PAK5: variants seen among roughly 807,000 people sequenced by gnomAD.
The protein encoded by PAK5 is p21 (RAC1) activated kinase 5.
Under a neutral mutation model 65.9 loss-of-function variants are expected in PAK5, and 16 were observed. The observed-to-expected ratio is 0.24, with a 90% confidence interval of 0.16 to 0.37. PAK5 has a LOEUF of 0.37. PAK5 is among the 10% of genes least tolerant of loss of function. The probability of loss-of-function intolerance (pLI) is 1.00; values close to 1 mark genes in which losing one functional copy is unlikely to be tolerated. For synonymous variants in PAK5, 371 were observed against 354.9 expected, an observed-to-expected ratio of 1.05 and a Z score of -0.51; for missense variants, 785 against 903.9, an observed-to-expected ratio of 0.87 and a Z score of 1.69.
At chr20:9,724,119 C>T (rs1022595519) in intron 1 of PAK5, among the ~76,000 whole-genome samples, 3 of 152,112 alleles carry the variant, frequency 2.0e-5, no homozygotes, top group Admixed American at 2.0e-4. Context: ...ATGACTAAAC[C>T]ACAAAATCGA....
intron 2 of PAK5, among the ~76,000 whole-genome samples, chr20:9,688,271 C>T (rs2047747061): frequency 6.6e-6 from 1 of 152,052 alleles, no homozygotes; most frequent in Non-Finnish European, 1.5e-5. Context: ...AAATGTCTTG[C>T]TTCAAACAAA....
intron 3 of PAK5, among the ~76,000 whole-genome samples, chr20:9,609,136 G>A (rs2046510770): frequency 1.8e-5 from 1 of 55,552 alleles, no homozygotes; most frequent in Non-Finnish European, 4.6e-5. Context: ...GCAACCACAT[G>A]ATGCTGGGTG....
intron 2 of PAK5, among the ~76,000 whole-genome samples, chr20:9,701,077 C>T (rs554489502): frequency 6.6e-6 from 1 of 152,220 alleles, no homozygotes; most frequent in African/African-American, 2.4e-5. Flanking sequence ...AGTTCTCACC[C>T]CCTGCCTACT....
chr20:9,620,459 C>G (rs779911134), intron 3 of PAK5, among the ~76,000 whole-genome samples: 5 of 152,218 alleles, frequency 3.3e-5, no homozygotes, highest in Admixed American at 1.3e-4. Flanking sequence ...CTTCTTTTGA[C>G]CACATGGCGT....
chr20:9,677,759 G>A (rs1487104388), intron 2 of PAK5, among the ~76,000 whole-genome samples: 1 of 152,152 alleles, frequency 6.6e-6, no homozygotes, highest in Non-Finnish European at 1.5e-5. Context: ...CGTAGTAGCA[G>A]TACCTGTGAC....
chr20:9,755,660 CAG>C (rs2048625740), intron 1 of PAK5, among the ~76,000 whole-genome samples: 1 of 152,166 alleles, frequency 6.6e-6, no homozygotes, highest in South Asian at 2.1e-4. Flanking sequence ...CCTAACTAGA[CAG>C]AGTTCAACTC....
At chr20:9,798,966 G>C (rs536039151) in intron 1 of PAK5, among the ~76,000 whole-genome samples, 1 of 152,060 alleles carries the variant, frequency 6.6e-6, no homozygotes, top group Non-Finnish European at 1.5e-5. Context: ...GATCTTAAAC[G>C]TTTGAGAATC....
intron 1 of PAK5, among the ~76,000 whole-genome samples, chr20:9,780,915 T>A (rs1428216371): frequency 6.6e-6 from 1 of 152,174 alleles, no homozygotes; most frequent in Non-Finnish European, 1.5e-5. Flanking sequence ...CTAGTACCTT[T>A]ACTTATCTAG....
intron 3 of PAK5, among the ~76,000 whole-genome samples, chr20:9,614,520 C>T (rs973764065): frequency 2.0e-5 from 3 of 152,088 alleles, no homozygotes; most frequent in African/African-American, 7.2e-5. Context: ...TTAAGCCTAG[C>T]CACATTGTTT....
At chr20:9,823,241 A>C (rs2123775902) in intron 1 of PAK5, among the ~76,000 whole-genome samples, 1 of 152,318 alleles carries the variant, frequency 6.6e-6, no homozygotes, top group Non-Finnish European at 1.5e-5. Flanking sequence ...CAGACACTGA[A>C]TCTGCTGGTG....
At chr20:9,791,951 A>G (rs1869322837) in intron 1 of PAK5, among the ~76,000 whole-genome samples, 1 of 152,180 alleles carries the variant, frequency 6.6e-6, no homozygotes. Context: ...CATTTATGGA[A>G]TTTCTTCTGC....
chr20:9,557,300 G>T (rs1436819698), intron 7 of PAK5, among the ~76,000 whole-genome samples: 2 of 152,144 alleles, frequency 1.3e-5, no homozygotes, highest in East Asian at 3.9e-4. Flanking sequence ...CCCTAGAAGA[G>T]TCAGCTCTTC....
chr20:9,805,269 G>A (rs1033847264), intron 1 of PAK5, among the ~76,000 whole-genome samples: 1 of 152,170 alleles, frequency 6.6e-6, no homozygotes, highest in Non-Finnish European at 1.5e-5. Flanking sequence ...TCAGGTGAAT[G>A]TAAAATGAGA....
intron 1 of PAK5, among the ~76,000 whole-genome samples, chr20:9,722,584 C>T (rs1447661306): frequency 6.6e-6 from 1 of 151,820 alleles, no homozygotes; most frequent in Non-Finnish European, 1.5e-5. Flanking sequence ...TGCACTCCAG[C>T]CTGGGGGGAC....
chr20:9,620,648 A>T (rs536449562), intron 3 of PAK5, among the ~76,000 whole-genome samples: 1 of 152,244 alleles, frequency 6.6e-6, no homozygotes, highest in East Asian at 1.9e-4. Flanking sequence ...GGGACCCAAG[A>T]CCGTGAACTA....
intron 1 of PAK5, among the ~76,000 whole-genome samples, chr20:9,747,942 G>A (rs1301327386): frequency 4.6e-5 from 7 of 152,094 alleles, no homozygotes; most frequent in South Asian, 4.1e-4. Flanking sequence ...AAACCCCATC[G>A]TCTCAGCCCA....
intron 1 of PAK5, among the ~76,000 whole-genome samples, chr20:9,830,886 G>A (rs1022105420): frequency 1.3e-5 from 2 of 152,186 alleles, no homozygotes; most frequent in African/African-American, 4.8e-5. Flanking sequence ...ATTCAACCCT[G>A]TTTACCCCTA....
rs1359943605 is a variant in PAK5 at position 9,797,241 on chromosome 20, GT to G, written c.-162+41520del. Among the ~76,000 whole-genome samples, 3 of 151,838 alleles carry G rather than the reference GT, an allele frequency of 2.0e-5. No homozygotes were observed. In the South Asian group the frequency reaches 6.3e-4, roughly 32 times the overall value. ...CACCCACTTTTTGATGGGGTTGTTTGTTTTTTTCTTGTAAATTTGTTTGTGT... is the reference window on the plus strand; with the variant it reads ...CACCCACTTTTTGATGGGGTTGTTTGTTTTTTCTTGTAAATTTGTTTGTGT... On this transcript the variant is annotated intron_variant, in intron 1 of 9. Coordinates refer to ENST00000353224, the MANE Select transcript of PAK5 (RefSeq NM_177990.4).
intron 3 of PAK5, among the ~76,000 whole-genome samples, chr20:9,615,707 C>T (rs2046643418): frequency 6.6e-6 from 1 of 152,176 alleles, no homozygotes; most frequent in African/African-American, 2.4e-5. Flanking sequence ...TCGTGTGGGT[C>T]AGGAATTTTG....
Sources: gnomAD v4.1 joint callset for allele counts (sites outside exome capture counted in the v4.1 genomes callset) on GRCh38, gnomAD v4.1.1 for gene constraint, MANE v1.5 for transcripts, NCBI Gene and HGNC (gene_info 2026-07-23, HGNC 2026-07-21) for gene names.